PGM1: variants seen among roughly 807,000 people sequenced by gnomAD.
The protein encoded by PGM1 is phosphoglucomutase 1.
Under a neutral mutation model 55.6 loss-of-function variants are expected in PGM1, and 52 were observed. The observed-to-expected ratio is 0.94, with a 90% confidence interval of 0.75 to 1.18. The LOEUF (loss-of-function observed/expected upper bound fraction) is 1.18. PGM1 is among the 50% of genes most tolerant of loss of function. The probability of loss-of-function intolerance (pLI) is 0.00; values close to 1 mark genes in which losing one functional copy is unlikely to be tolerated. For missense variants in PGM1, 724 were observed against 729.3 expected, an observed-to-expected ratio of 0.99 and a Z score of 0.08; for synonymous variants, 287 against 271.7, an observed-to-expected ratio of 1.06 and a Z score of -0.55.
intron 9 of PGM1, among the ~76,000 whole-genome samples, chr1:63,652,358 T>C (rs1294160995): frequency 4.6e-5 from 7 of 152,190 alleles, no homozygotes; most frequent in African/African-American, 1.4e-4. Flanking sequence ...TTGACCATCG[T>C]CATTCGCAGC....
At position 63,593,804 on chromosome 1, in the gene PGM1, C is replaced by T. The variant is rs1047323697; in HGVS notation, c.246+70C>T. On this transcript the variant is annotated intron_variant, in intron 1 of 10. Transcript: ENST00000371084. Reference sequence around the variant, plus strand: ...TGCGACGTGCGGCCCGCGGCGCCCTCCCTCGCTCGGGGCCGGCCGCTTCCG... The same window carrying T: ...TGCGACGTGCGGCCCGCGGCGCCCTTCCTCGCTCGGGGCCGGCCGCTTCCG... The T allele has an allele frequency of 4.8e-6, 7 of 1,449,898 alleles. No homozygotes were observed. The South Asian group carries it at 7.0e-5, about 15-fold the overall frequency. 89.8% of individuals were successfully genotyped at this position (1,449,898 alleles called of 1,614,324 possible). A position where few individuals can be genotyped will look rare whatever the true frequency, so the allele number is the denominator to read the frequency against.
intron 1 of PGM1, among the ~76,000 whole-genome samples, 167 bp from the exon 2 acceptor site, chr1:63,629,258 G>A (rs529668517): frequency 8.5e-5 from 13 of 152,276 alleles, no homozygotes; most frequent in African/African-American, 2.9e-4. Flanking sequence ...TCAGTAATAT[G>A]GTGGAGACAT....
chr1:63,593,711 G>A lies in PGM1; in HGVS notation c.223G>A (p.Ala75Thr). ...FYMKEAIQLI[A>T]RIAAANGIGR... ...CATGAAGGAGGCCATCCAGCTCATC[G>A]CTCGCATCGCTGCCGCCAACGGGGT... The change falls in exon 1 of 11, where the codon GCT (alanine) becomes ACT (threonine). Residue 75 changes from alanine to threonine, a missense_variant. Transcript: ENST00000371084. 2 of 1,598,902 alleles carry A rather than the reference G, an allele frequency of 1.3e-6. No homozygotes were observed.
intron 1 of PGM1, among the ~76,000 whole-genome samples, chr1:63,618,433 A>C (rs966620983): frequency 2.0e-5 from 3 of 152,198 alleles, no homozygotes; most frequent in Non-Finnish European, 4.4e-5. Context: ...CACAACCTGC[A>C]CTTAATTATA....
rs546230092 is a variant in PGM1, at chr1:63,651,523, A to G, written c.1281-146A>G. ...TGGCCTGTTCCATCCCCAGTGACTG[A>G]CAGGCCTGTATTTTTTTTGCCAGCT... On this transcript the variant is annotated intron_variant, in intron 8 of 10. Coordinates refer to ENST00000371084, the MANE Select transcript of PGM1 (RefSeq NM_002633.3). The G allele has an allele frequency of 1.0e-4, 72 of 703,618 alleles. No homozygotes were observed. In the African/African-American group the frequency reaches 1.2e-3, roughly 12 times the overall value. 43.6% of individuals were successfully genotyped at this position (703,618 alleles called of 1,614,324 possible).
At chr1:63,649,726 A>T (rs1649755389) in intron 8 of PGM1, among the ~76,000 whole-genome samples, 1 of 152,200 alleles carries the variant, frequency 6.6e-6, no homozygotes, top group African/African-American at 2.4e-5. Context: ...CTCTCACGTT[A>T]CTGTTTTGTG....
chr1:63,645,569 G>C (rs114537552), intron 7 of PGM1, among the ~76,000 whole-genome samples: 3 of 152,240 alleles, frequency 2.0e-5, no homozygotes, highest in African/African-American at 7.2e-5. Flanking sequence ...AGAGCTTTTT[G>C]CTCCTTAAAA....
chr1:63,651,422 C>T (rs949484318), intron 8 of PGM1: 2 of 492,186 alleles, frequency 4.1e-6, no homozygotes, highest in Admixed American at 3.3e-5. Flanking sequence ...TGTAGAAATG[C>T]CAAGATGGGT....
chr1:63,656,914 A>C (rs1262045038), intron 10 of PGM1, among the ~76,000 whole-genome samples: 1 of 152,210 alleles, frequency 6.6e-6, no homozygotes, highest in Non-Finnish European at 1.5e-5. Context: ...AATGTACAAC[A>C]TGATGGCTAT....
At position 63,636,245 on chromosome 1, in the gene PGM1, G is replaced by A; in HGVS notation, c.885G>A (p.Met295Ile). The change falls in exon 6 of 11, where the codon ATG becomes ATA. Residue 295 changes from methionine (M) to isoleucine (I), a missense_variant. Around this residue, in one of 3 missense-constraint regions of PGM1, gnomAD observed 29 missense variants for 58.7 expected, o/e 0.49. Coordinates refer to ENST00000371084, the MANE Select transcript of PGM1 (RefSeq NM_002633.3). Reference protein sequence around the residue: ...AAFDGDGDRNMILGKHGFFVN... With the variant: ...AAFDGDGDRNIILGKHGFFVN... ...CTCTTCTCCCCAAGGATCGAAACATGATTCTGGGCAAGCATGGGTTCTTTG... is the reference window on the plus strand; with the variant it reads ...CTCTTCTCCCCAAGGATCGAAACATAATTCTGGGCAAGCATGGGTTCTTTG... 1 of 1,614,154 alleles carries A rather than the reference G, an allele frequency of 6.2e-7. No homozygotes were observed. Among genetic ancestry groups the A allele is most frequent in the Non-Finnish European group, 8.5e-7 (1 of 1,179,960 alleles).
At chr1:63,654,180 C>A in intron 9 of PGM1, 152 bp from the exon 10 acceptor site, 1 of 772,798 alleles carries the variant, frequency 1.3e-6, no homozygotes, top group Non-Finnish European at 2.3e-6. Context: ...GGAAGGCAGG[C>A]TCACAAGGTG....
chr1:63,655,679 A>C (rs1649944226), intron 10 of PGM1: 1 of 152,184 alleles, frequency 6.6e-6, no homozygotes, highest in Non-Finnish European at 1.5e-5. Context: ...AAAGTTGGGG[A>C]AGTGTTGTGG....
intron 4 of PGM1, among the ~76,000 whole-genome samples, chr1:63,634,451 CA>C (rs755193324): frequency 2.0e-5 from 3 of 152,252 alleles, no homozygotes; most frequent in Non-Finnish European, 4.4e-5. Flanking sequence ...GATTTGAACC[CA>C]GACACTCTGA....
chr1:63,625,044 C>T (rs1254693365), intron 1 of PGM1, among the ~76,000 whole-genome samples: 1 of 152,120 alleles, frequency 6.6e-6, no homozygotes, highest in Non-Finnish European at 1.5e-5. Context: ...TATTAAGATG[C>T]TTTTAATCTT....
At chr1:63,601,310 A>G (rs1488944309) in intron 1 of PGM1, among the ~76,000 whole-genome samples, 1 of 152,212 alleles carries the variant, frequency 6.6e-6, no homozygotes, top group African/African-American at 2.4e-5. Flanking sequence ...TGCTTTTAAG[A>G]CAGATGAAGG....
intron 1 of PGM1, among the ~76,000 whole-genome samples, chr1:63,611,143 A>G (rs7528129): frequency 0.16 from 23,787 of 152,130 alleles, 1,972 homozygotes; most frequent in Middle Eastern, 0.23. Flanking sequence ...GCATTGCAAT[A>G]TAGTGTGAGA....
chr1:63,629,765 G>A (rs982191538), intron 2 of PGM1, among the ~76,000 whole-genome samples, 177 bp from the exon 3 acceptor site: 6 of 152,116 alleles, frequency 3.9e-5, no homozygotes, highest in Non-Finnish European at 1.5e-5. Context: ...TGAATATGAA[G>A]AGCCATGCGC....
chr1:63,616,496 C>A (rs896614421), intron 1 of PGM1, among the ~76,000 whole-genome samples: 1 of 152,156 alleles, frequency 6.6e-6, no homozygotes, highest in African/African-American at 2.4e-5. Flanking sequence ...GTACTTTTTA[C>A]TCCATTTTAA....
At chr1:63,642,268 C>A (rs1448592927) in intron 7 of PGM1, among the ~76,000 whole-genome samples, 1 of 152,228 alleles carries the variant, frequency 6.6e-6, no homozygotes, top group African/African-American at 2.4e-5. Context: ...ATACATTAGT[C>A]TGTTTGTATA....
Sources: allele counts gnomAD v4.1 joint callset (sites outside exome capture counted in the v4.1 genomes callset), GRCh38; gene constraint gnomAD v4.1.1; regional missense constraint gnomAD v4.1.1; transcripts MANE v1.5; gene names NCBI Gene and HGNC (gene_info 2026-07-23, HGNC 2026-07-21).